ZAN: variants seen among roughly 807,000 people sequenced by gnomAD.
ZAN encodes the protein zonadhesin.
A neutral mutation model predicts 286.2 loss-of-function variants in ZAN; 260 were observed. That is an observed-to-expected ratio of 0.91 (90% CI 0.82 to 1.01). The LOEUF is 1.01. Ranked by LOEUF, ZAN falls within the 50% of genes least tolerant of loss-of-function variation. The pLI is 0.00. For synonymous variants in ZAN, 1,368 were observed against 1,417.5 expected (o/e 0.97, Z 0.79); for missense variants, 3,410 against 3,639.2 (o/e 0.94, Z 1.62).
chr7:100,762,119 T>C, intron 19 of ZAN, 96 bp from the exon 20 acceptor site: 1 of 1,520,042 alleles, frequency 6.6e-7, no homozygotes, highest in Non-Finnish European at 9.0e-7. Context: ...ACGCCCTCTG[T>C]TTTAGGATCC....
intron 45 of ZAN, 121 bp from the exon 46 acceptor site, chr7:100,797,245 C>G (rs954852734): frequency 5.6e-6 from 5 of 894,012 alleles, no homozygotes. Flanking sequence ...GCAGACACAC[C>G]TAGAGATTTA....
chr7:100,759,634 TCCCTGCG>T, intron 17 of ZAN, 80 bp from the exon 18 acceptor site: 3 of 1,307,458 alleles, frequency 2.3e-6, no homozygotes, highest in South Asian at 1.9e-5. Context: ...CGCTCATCTC[TCCCTGCG>T]GCGCCAGGCT....
At chr7:100,791,340 AT>A (rs1302729414) in intron 40 of ZAN, among the ~76,000 whole-genome samples, 1 of 151,014 alleles carries the variant, frequency 6.6e-6, no homozygotes, top group African/African-American at 2.4e-5. Context: ...CTTCCCAGTT[AT>A]TTTTCCTTCT....
At chr7:100,794,905 G>A (rs555253142) in intron 44 of ZAN, among the ~76,000 whole-genome samples, 8 of 150,858 alleles carry the variant, frequency 5.3e-5, no homozygotes, top group Non-Finnish European at 1.0e-4. Flanking sequence ...AGGGAGGAGA[G>A]GGGAGAGGAG....
chr7:100,793,768 CT>C, intron 42 of ZAN, 51 bp from the exon 43 acceptor site: 1 of 1,526,106 alleles, frequency 6.6e-7, no homozygotes, highest in Non-Finnish European at 8.8e-7. Context: ...GACCTTGCCC[CT>C]GTTTGGCCTG....
intron 9 of ZAN, 54 bp downstream of exon 9, chr7:100,747,695 G>A: frequency 6.6e-7 from 1 of 1,522,814 alleles, no homozygotes; most frequent in Non-Finnish European, 9.1e-7. Context: ...ACCCAATGTT[G>A]AAATAAATTG....
intron 19 of ZAN, 21 bp from the exon 20 acceptor site, chr7:100,762,194 G>A (rs1193133489): frequency 1.2e-6 from 2 of 1,611,758 alleles, no homozygotes; most frequent in South Asian, 1.1e-5. Context: ...ATTAACGCCA[G>A]CTCCTCTCCT....
At chr7:100,740,293 AT>A (rs375213178) in intron 7 of ZAN, among the ~76,000 whole-genome samples, 2,249 of 119,254 alleles carry the variant, frequency 0.019, 290 homozygotes, top group South Asian at 0.098. Context: ...TGACTTATTT[AT>A]TTTTTTTTTT....
At chr7:100,785,282 G>A (rs1244783459) in intron 36 of ZAN, among the ~76,000 whole-genome samples, 1 of 142,780 alleles carries the variant, frequency 7.0e-6, no homozygotes, top group African/African-American at 2.6e-5. Flanking sequence ...GCAGGCTAGA[G>A]TGCAGTGGCA....
intron 28 of ZAN, among the ~76,000 whole-genome samples, 196 bp downstream of exon 28, chr7:100,770,170 A>G (rs1046722146): frequency 3.3e-5 from 5 of 152,012 alleles, no homozygotes; most frequent in African/African-American, 1.2e-4. Flanking sequence ...TGTCTCAGGC[A>G]GTAGATAAAT....
intron 14 of ZAN, among the ~76,000 whole-genome samples, chr7:100,753,668 T>TA (rs367810068): frequency 0.32 from 45,208 of 140,762 alleles, 6,956 homozygotes; most frequent in South Asian, 0.46. Flanking sequence ...ACTTTAAAAT[T>TA]AAAAAAAAAA....
intron 22 of ZAN, 69 bp downstream of exon 22, chr7:100,764,265 G>C: frequency 7.0e-7 from 1 of 1,433,086 alleles, no homozygotes; most frequent in East Asian, 2.5e-5. Flanking sequence ...AGCACTTTGG[G>C]AGTCCGAGGC....
At chr7:100,766,805 A>G in intron 24 of ZAN, 139 bp downstream of exon 24, 1 of 1,419,598 alleles carries the variant, frequency 7.0e-7, no homozygotes, top group Non-Finnish European at 9.3e-7. Flanking sequence ...CAGCATTTTC[A>G]GGGACCCAAA....
Position 100,758,562 on chromosome 7 carries a change from C to T in ZAN, c.3483C>T (p.Asp1161=). The T allele has an allele frequency of 1.3e-6, 2 of 1,564,734 alleles. No homozygotes were observed. The highest frequency in any genetic ancestry group is 1.2e-5 in the South Asian group (1 of 84,874). ...CTGCCACCTGCTTGGTCTACGGAGA[C>T]CCTCATTATGTCACCTTTGACGGGA... is the stretch of plus-strand genomic sequence containing the variant. The part of the protein sequence containing the change: ...AGTATCLVYG[D]PHYVTFDGRH... The change falls in exon 17 of 48, where the codon GAC becomes GAT. Residue 1161 remains aspartate (D), a synonymous_variant. Coordinates refer to ENST00000613979, the MANE Select transcript of ZAN (RefSeq NM_003386.3).
chr7:100,784,834 T>C lies in ZAN; in HGVS notation c.6834T>C (p.Pro2278=), dbSNP rs769744792. The change falls in exon 36 of 48, where the codon CCT becomes CCC. Residue 2278 remains proline, a splice_region_variant and synonymous_variant. Transcript: ENST00000613979. The part of the protein sequence containing the change: ...GCKDAHGGSI[P]LGKSWVSSGC... ...AGGATGCCCATGGTGGCTCCATCCC[T>C]GTGAGTGGGCATGGGAAATGGGACT... 2.5e-6 allele frequency: 4 copies of C among 1,586,734 alleles called. No individual in the cohort carries two copies. In the South Asian group the frequency reaches 3.4e-5, roughly 14 times the overall value.
At chr7:100,757,753 T>A (rs1584577855) in intron 15 of ZAN, among the ~76,000 whole-genome samples, 10 of 91,322 alleles carry the variant, frequency 1.1e-4, no homozygotes, top group Admixed American at 1.4e-4. Flanking sequence ...AGACTCCGTC[T>A]CAAAAAAAAA....
Position 100,737,036 on chromosome 7 carries a change from C to A in ZAN, c.481C>A (p.Leu161Ile), listed in dbSNP as rs1336188018. ...HWNTQRPSWM[L>I]TTVTVPAGFT... ...GAACACCCAGAGACCCTCCTGGATG[C>A]TCACCACCGTCACTGTGCCCGCAGG... Residue 161 changes from leucine (L) to isoleucine (I), a missense_variant, in exon 5 of 48, where the codon CTC (leucine) becomes ATC (isoleucine). Coordinates refer to ENST00000613979, the MANE Select transcript of ZAN (RefSeq NM_003386.3). The A allele has an allele frequency of 6.7e-7, 1 of 1,499,654 alleles. No homozygotes were observed. The highest frequency in any genetic ancestry group is 1.2e-5 in the South Asian group (1 of 85,894). 92.9% of individuals were successfully genotyped at this position (1,499,654 alleles called of 1,614,324 possible). A position where few individuals can be genotyped will look rare whatever the true frequency, so the allele number is the denominator to read the frequency against.
At chr7:100,750,059 AACACACACACAC>A (rs373704697) in intron 11 of ZAN, among the ~76,000 whole-genome samples, 96 of 122,298 alleles carry the variant, frequency 7.8e-4, no homozygotes, top group Middle Eastern at 8.8e-3. Context: ...TCAAAAAAAC[AACACACACACAC>A]ACACACACAC....
intron 27 of ZAN, among the ~76,000 whole-genome samples, chr7:100,769,219 A>T (rs147118234): frequency 0.019 from 2,954 of 151,998 alleles, 35 homozygotes; most frequent in Middle Eastern, 0.054. Context: ...TCAGCCTCCC[A>T]AGTAGCTGGG....
Sources: gnomAD v4.1 joint callset for allele counts (sites outside exome capture counted in the v4.1 genomes callset) on GRCh38, gnomAD v4.1.1 for gene constraint, MANE v1.5 for transcripts, NCBI Gene and HGNC (gene_info 2026-07-23, HGNC 2026-07-21) for gene names.